The following CEP162 variants were observed in gnomAD, a reference collection of about 807,000 sequenced individuals.
CEP162 encodes centrosomal protein 162, also known as centrosomal protein of 162 kDa.
A neutral mutation model predicts 169.2 loss-of-function variants in CEP162; 141 were observed. The ratio of observed to expected loss-of-function variants is 0.83; its 90% CI spans 0.73 to 0.96. The LOEUF is 0.96. CEP162 is among the 40% of genes least tolerant of loss of function. CEP162 has a pLI of 0.00. For missense variants in CEP162, 1,600 were observed against 1,587.2 expected (o/e 1.01, Z -0.14); for synonymous variants, 540 against 526.4 (o/e 1.03, Z -0.35).
chr6:84,165,549 G>A (rs1371641038), intron 18 of CEP162, among the ~76,000 whole-genome samples: 1 of 152,046 alleles, frequency 6.6e-6, no homozygotes. Flanking sequence ...ACTGATTCAT[G>A]TATAGGTAAC....
At chr6:84,150,325 A>G (rs1156909082) in intron 23 of CEP162, among the ~76,000 whole-genome samples, 6 of 152,188 alleles carry the variant, frequency 3.9e-5, no homozygotes, top group African/African-American at 1.4e-4. Context: ...AAGATTTGGT[A>G]TATTTCCTAC....
Position 84,152,748 on chromosome 6 carries a change from T to C in CEP162, c.3426A>G (p.Ser1142=). 1.2e-6 allele frequency: 2 copies of C among 1,613,396 alleles called. No homozygotes were observed. The highest frequency in any genetic ancestry group is 1.7e-6 in the Non-Finnish European group (2 of 1,179,662). The change falls in exon 23 of 27, where the codon TCA becomes TCG. Residue 1142 remains serine, a synonymous_variant. Transcript: ENST00000403245. ...AKRAKKDVLH[S]SKGNANSFPG... is the part of the protein sequence containing the mutation. The stretch of plus-strand genomic sequence containing the variant: ...GGAAGGAGTTAGCATTTCCTTTACT[T>C]GAGTGCAAAACATCTTTCTTTGCCC...
intron 9 of CEP162, among the ~76,000 whole-genome samples, chr6:84,196,280 T>A (rs2099542093): frequency 6.6e-6 from 1 of 152,222 alleles, no homozygotes; most frequent in African/African-American, 2.4e-5. Flanking sequence ...GCACAAGCTC[T>A]CTTTGCCTGC....
intron 25 of CEP162, among the ~76,000 whole-genome samples, chr6:84,135,620 T>TG (rs149881140): frequency 0.044 from 6,690 of 152,236 alleles, 476 homozygotes; most frequent in African/African-American, 0.15. Context: ...CCCAGCTCTT[T>TG]GGGAGGCTGA....
intron 25 of CEP162, among the ~76,000 whole-genome samples, chr6:84,137,004 ATGT>A (rs1159061914): frequency 8.5e-5 from 13 of 152,190 alleles, no homozygotes; most frequent in Non-Finnish European, 5.9e-5. Flanking sequence ...GTAACTGAGC[ATGT>A]TGTTGTGGGA....
intron 25 of CEP162, among the ~76,000 whole-genome samples, chr6:84,128,462 T>C (rs1221902160): frequency 6.6e-6 from 1 of 152,076 alleles, no homozygotes; most frequent in Non-Finnish European, 1.5e-5. Flanking sequence ...GTGAAATAAA[T>C]TAGTAATGAT....
rs571185121 is a variant in CEP162 at position 84,207,048 on chromosome 6, A to G, written c.572-2952T>C. ...ACCATCTCACACCAGTTAGAATGGC[A>G]ATCATTAAAAAGTCAGGAAACAACA... On this transcript the variant is annotated intron_variant, in intron 6 of 26. Coordinates refer to ENST00000403245, the MANE Select transcript of CEP162 (RefSeq NM_014895.4). 3.5e-3 allele frequency among the ~76,000 whole-genome samples: 535 copies of G among 152,292 alleles called. 3 individuals are homozygous for G. Among genetic ancestry groups the G allele is most frequent in the African/African-American group, 0.012 (484 of 41,574 alleles).
At chr6:84,170,899 C>T (rs1562038112) in intron 17 of CEP162, among the ~76,000 whole-genome samples, 1 of 152,128 alleles carries the variant, frequency 6.6e-6, no homozygotes, top group Non-Finnish European at 1.5e-5. Context: ...TGGCTGAAAA[C>T]AACTTACAGG....
intron 14 of CEP162, 34 bp from the exon 15 acceptor site, chr6:84,174,988 A>C: frequency 1.5e-6 from 2 of 1,354,546 alleles, no homozygotes; most frequent in Non-Finnish European, 2.0e-6. Flanking sequence ...ATTACAGTAG[A>C]CTTATGTATA....
intron 17 of CEP162, among the ~76,000 whole-genome samples, chr6:84,170,155 C>G (rs182042899): frequency 9.2e-5 from 14 of 151,794 alleles, no homozygotes; most frequent in African/African-American, 3.1e-4. Flanking sequence ...AGGTGGATCA[C>G]GAGGTCAGGA....
rs758467021 is a variant in CEP162 at position 84,186,416 on chromosome 6, A to C, written c.1317T>G (p.His439Gln). 1 of 1,590,222 alleles carries C rather than the reference A, an allele frequency of 6.3e-7. No homozygotes were observed. Among genetic ancestry groups the C allele is most frequent in the Non-Finnish European group, 8.6e-7 (1 of 1,158,382 alleles). Residue 439 changes from histidine to glutamine, a missense_variant, in exon 12 of 27, where the codon CAT (histidine) becomes CAG (glutamine). Transcript: ENST00000403245. ...AAATATTAAGGTACATTTTATCAACATGTTCTTCTGTGGCAGTTACTTCAG... is the reference window on the plus strand; with the variant it reads ...AAATATTAAGGTACATTTTATCAACCTGTTCTTCTGTGGCAGTTACTTCAG... ...QVTEVTATEE[H>Q]VDKMYLNILR... is the part of the protein sequence containing the mutation.
In CEP162 at chr6:84,167,883, T is replaced by C. The variant is rs79732903; in HGVS notation, c.2385+1445A>G. On this transcript the variant is annotated intron_variant, in intron 18 of 26. Transcript: ENST00000403245. Reference sequence around the variant, plus strand: ...TAATCCACTATTTTAGTGAAAGATGTGGTCTTTGAAGGGTATCCCGTCTAC... The same window carrying C: ...TAATCCACTATTTTAGTGAAAGATGCGGTCTTTGAAGGGTATCCCGTCTAC... 1.2e-4 allele frequency among the ~76,000 whole-genome samples: 18 copies of C among 152,262 alleles called. No homozygotes were observed. The East Asian group carries it at 3.1e-3, about 26-fold the overall frequency.
intron 16 of CEP162, 78 bp from the exon 17 acceptor site, chr6:84,171,796 A>G (rs1216116063): frequency 4.1e-6 from 2 of 491,112 alleles, no homozygotes; most frequent in African/African-American, 4.0e-5. Flanking sequence ...CTCATAATAG[A>G]TTAATCCTTT....
At chr6:84,132,874 G>A (rs2099512192) in intron 25 of CEP162, among the ~76,000 whole-genome samples, 1 of 152,044 alleles carries the variant, frequency 6.6e-6, no homozygotes, top group Admixed American at 6.5e-5. Context: ...TCTTGGTCCA[G>A]CTTTATTCCA....
At chr6:84,214,007 G>C (rs767884618) in intron 5 of CEP162, among the ~76,000 whole-genome samples, 1 of 152,132 alleles carries the variant, frequency 6.6e-6, no homozygotes, top group Non-Finnish European at 1.5e-5. Context: ...CGCTGGGCGC[G>C]GTGGCTCATG....
At chr6:84,218,252 A>G (rs762002790) in intron 3 of CEP162, among the ~76,000 whole-genome samples, 12 of 152,200 alleles carry the variant, frequency 7.9e-5, no homozygotes, top group Non-Finnish European at 2.9e-5. Flanking sequence ...AAGCATGACA[A>G]TGGGAGGGGC....
intron 4 of CEP162, 61 bp downstream of exon 4, chr6:84,215,715 A>T: frequency 6.6e-7 from 1 of 1,511,820 alleles, no homozygotes; most frequent in African/African-American, 1.4e-5. Context: ...TAATTTTTGT[A>T]ATTCTGAATA....
rs772643796 is a variant in CEP162 at position 84,160,867 on chromosome 6, A to G, written c.2726T>C (p.Ile909Thr). Residue 909 changes from isoleucine to threonine, a missense_variant, in exon 21 of 27, where the codon ATA becomes ACA. Coordinates refer to ENST00000403245, the MANE Select transcript of CEP162 (RefSeq NM_014895.4). ...ESGNPSIRQK[I>T]RLKDKAADAK... ...ATCTGCTGCTTTATCTTTTAAGCGTATCTTCTGCCGAATAGATGGATTCCC... is the reference window on the plus strand; with the variant it reads ...ATCTGCTGCTTTATCTTTTAAGCGTGTCTTCTGCCGAATAGATGGATTCCC... 8.7e-6 allele frequency: 14 copies of G among 1,613,214 alleles called. No individual in the cohort carries two copies. The highest frequency in any genetic ancestry group is 3.3e-5 in the South Asian group (3 of 91,068).
intron 13 of CEP162, among the ~76,000 whole-genome samples, chr6:84,184,196 C>T (rs993902114): frequency 2.6e-5 from 4 of 152,162 alleles, no homozygotes; most frequent in South Asian, 2.1e-4. Flanking sequence ...CACTCTCGTA[C>T]ATTGTCAATT....
Sources: allele counts gnomAD v4.1 joint callset (sites outside exome capture counted in the v4.1 genomes callset), GRCh38; gene constraint gnomAD v4.1.1; transcripts MANE v1.5; gene names NCBI Gene and HGNC (gene_info 2026-07-23, HGNC 2026-07-21).